The following SUCLG2 variants were observed in gnomAD, a reference collection of about 807,000 sequenced individuals.
The protein encoded by SUCLG2 is succinate-CoA ligase GDP-forming subunit beta, also known as succinate--CoA ligase [GDP-forming] subunit beta, mitochondrial.
In SUCLG2, 42 loss-of-function variants were observed where a neutral mutation model predicts 47.9. The ratio of observed to expected loss-of-function variants is 0.88; its 90% CI spans 0.69 to 1.14. The LOEUF is 1.14. Ranked by LOEUF, SUCLG2 falls within the 50% of genes most tolerant of loss-of-function variation. The pLI is 0.00. For synonymous variants in SUCLG2, 195 were observed against 197.3 expected (o/e 0.99, Z 0.10); for missense variants, 571 against 525.9 (o/e 1.09, Z -0.84).
intron 9 of SUCLG2, among the ~76,000 whole-genome samples, chr3:67,491,938 T>C (rs963628879): frequency 2.0e-5 from 3 of 152,106 alleles, no homozygotes; most frequent in Admixed American, 6.5e-5. Context: ...AGAAGTTAAA[T>C]AGCATGCCCA....
intron 2 of SUCLG2, among the ~76,000 whole-genome samples, chr3:67,537,748 T>G (rs1174165429): frequency 6.6e-6 from 1 of 152,244 alleles, no homozygotes; most frequent in Admixed American, 6.5e-5. Context: ...TCCTGACTTT[T>G]TAATGGTTGC....
intron 2 of SUCLG2, among the ~76,000 whole-genome samples, chr3:67,588,075 T>C (rs1299820933): frequency 6.6e-6 from 1 of 152,200 alleles, no homozygotes; most frequent in African/African-American, 2.4e-5. Flanking sequence ...GATCATTTCA[T>C]TTTCCATAAC....
intron 9 of SUCLG2, among the ~76,000 whole-genome samples, chr3:67,402,513 A>G (rs1481913310): frequency 6.6e-6 from 1 of 152,266 alleles, no homozygotes; most frequent in East Asian, 1.9e-4. Flanking sequence ...ACTGGTAAGC[A>G]GAAGCTTGCT....
chr3:67,411,049 G>T (rs1029116493), intron 9 of SUCLG2, among the ~76,000 whole-genome samples: 1 of 152,036 alleles, frequency 6.6e-6, no homozygotes, highest in African/African-American at 2.4e-5. Context: ...TTAATATAGA[G>T]AACACCCATA....
intron 1 of SUCLG2, among the ~76,000 whole-genome samples, chr3:67,610,514 A>AC (rs1312400730): frequency 6.6e-6 from 1 of 152,164 alleles, no homozygotes; most frequent in Non-Finnish European, 1.5e-5. Flanking sequence ...GAAGGAAAAA[A>AC]AAAAAAAACC....
intron 4 of SUCLG2, among the ~76,000 whole-genome samples, chr3:67,524,015 T>C (rs954096306): frequency 6.6e-6 from 1 of 152,186 alleles, no homozygotes; most frequent in African/African-American, 2.4e-5. Flanking sequence ...TGCATGACTC[T>C]TTAAGAAAAT....
At chr3:67,470,957 GT>G (rs1704590066) in intron 9 of SUCLG2, among the ~76,000 whole-genome samples, 1 of 152,092 alleles carries the variant, frequency 6.6e-6, no homozygotes, top group Non-Finnish European at 1.5e-5. Flanking sequence ...GAAATACCCC[GT>G]TCTTCTGTTA....
intron 9 of SUCLG2, among the ~76,000 whole-genome samples, chr3:67,477,619 C>T (rs188355602): frequency 2.0e-5 from 3 of 152,096 alleles, no homozygotes; most frequent in African/African-American, 7.2e-5. Context: ...CACTTGAACC[C>T]GAGAGGCAGA....
intron 9 of SUCLG2, among the ~76,000 whole-genome samples, chr3:67,472,229 G>A (rs1219169601): frequency 1.3e-5 from 2 of 152,116 alleles, no homozygotes; most frequent in African/African-American, 4.8e-5. Flanking sequence ...CATGGAAAAG[G>A]TGATGTCTAA....
chr3:67,529,636 G>T (rs1180397039), intron 2 of SUCLG2, among the ~76,000 whole-genome samples: 1 of 152,158 alleles, frequency 6.6e-6, no homozygotes, highest in African/African-American at 2.4e-5. Context: ...AAGACACAAA[G>T]GTCATAGTTA....
chr3:67,529,745 A>G (rs555222100), intron 2 of SUCLG2, among the ~76,000 whole-genome samples: 1 of 152,390 alleles, frequency 6.6e-6, no homozygotes, highest in South Asian at 2.1e-4. Flanking sequence ...ACTAAAAGCA[A>G]GCAATATTTT....
At chr3:67,389,961 G>A (rs1279823775) in intron 10 of SUCLG2, among the ~76,000 whole-genome samples, 1 of 152,160 alleles carries the variant, frequency 6.6e-6, no homozygotes, top group Non-Finnish European at 1.5e-5. Flanking sequence ...CATCATCCCA[G>A]TAGCTATTAC....
chr3:67,425,209 T>C (rs1298622243), intron 9 of SUCLG2, among the ~76,000 whole-genome samples: 1 of 152,220 alleles, frequency 6.6e-6, no homozygotes, highest in Non-Finnish European at 1.5e-5. Flanking sequence ...ATTGCCTTCT[T>C]GTACTTAGCA....
At chr3:67,515,781 G>C (rs1329006488) in intron 6 of SUCLG2, among the ~76,000 whole-genome samples, 1 of 152,062 alleles carries the variant, frequency 6.6e-6, no homozygotes, top group Non-Finnish European at 1.5e-5. Flanking sequence ...AATCCCCACA[G>C]CTTGAGCAAG....
At position 67,582,563 on chromosome 3, in the gene SUCLG2, C is replaced by A. The variant is rs184858051; in HGVS notation, c.226+26892G>T. Among the ~76,000 whole-genome samples, 546 of 152,202 alleles carry A rather than the reference C, an allele frequency of 3.6e-3. 2 individuals carry two copies. The highest frequency in any genetic ancestry group is 0.013 in the African/African-American group (521 of 41,532). On this transcript the variant is annotated intron_variant, in intron 2 of 10. Coordinates refer to ENST00000307227, the MANE Select transcript of SUCLG2 (RefSeq NM_003848.4). ...TCCATGTCTTTGCTATAGTGAATAG[C>A]GCTACAATGAACATATATGTGCATG...
At chr3:67,422,501 A>AAAAAAAAAAAAAAAAAAAAAAAAT (rs1703189796) in intron 9 of SUCLG2, among the ~76,000 whole-genome samples, 1 of 146,138 alleles carries the variant, frequency 6.8e-6, no homozygotes, top group Non-Finnish European at 1.5e-5. Context: ...AAAAAAAAAA[A>AAAAAAAAAAAAAAAAAAAAAAAAT]AAGAACATTC....
chr3:67,652,819 C>G (rs901908615), intron 1 of SUCLG2, among the ~76,000 whole-genome samples: 2 of 152,178 alleles, frequency 1.3e-5, no homozygotes, highest in Non-Finnish European at 2.9e-5. Flanking sequence ...AATTTCTCTA[C>G]CCATGAAATG....
intron 7 of SUCLG2, among the ~76,000 whole-genome samples, chr3:67,502,423 C>G (rs1418759119): frequency 1.3e-5 from 2 of 152,194 alleles, no homozygotes; most frequent in Non-Finnish European, 2.9e-5. Context: ...TAAATGACAA[C>G]TCCTGGCACT....
rs892775675 is a variant in SUCLG2, at chr3:67,414,024, A to G, written c.1063-13173T>C. On this transcript the variant is annotated intron_variant, in intron 9 of 10. Transcript: ENST00000307227. ...AAAAAAAAGCTTCTTGGGTTGAAAAAAATATTTTTGTAAATGTCTTGACCT... is the reference window on the plus strand; with the variant it reads ...AAAAAAAAGCTTCTTGGGTTGAAAAGAATATTTTTGTAAATGTCTTGACCT... Among the ~76,000 whole-genome samples, 39 of 152,182 alleles carry G rather than the reference A, an allele frequency of 2.6e-4. 1 individual carries two copies.
Sources: gnomAD v4.1 joint callset for allele counts (sites outside exome capture counted in the v4.1 genomes callset) on GRCh38, gnomAD v4.1.1 for gene constraint, MANE v1.5 for transcripts, NCBI Gene and HGNC (gene_info 2026-07-23, HGNC 2026-07-21) for gene names.